VLDLR: variants seen among roughly 807,000 people sequenced by gnomAD.
The protein encoded by VLDLR is very low density lipoprotein receptor.
Under a neutral mutation model 112.7 loss-of-function variants are expected in VLDLR, and 81 were observed. The ratio of observed to expected loss-of-function variants is 0.72; its 90% CI spans 0.60 to 0.86. The LOEUF (loss-of-function observed/expected upper bound fraction) is 0.86. VLDLR is among the 40% of genes least tolerant of loss of function. VLDLR has a pLI of 0.00. For synonymous variants in VLDLR, 436 were observed against 384.8 expected (o/e 1.13, Z -1.56); for missense variants, 1,237 against 1,099.4 (o/e 1.13, Z -1.77).
intron 18 of VLDLR, 59 bp from the exon 19 acceptor site, chr9:2,653,774 C>G: frequency 6.3e-7 from 1 of 1,596,366 alleles, no homozygotes; most frequent in Non-Finnish European, 8.6e-7. Flanking sequence ...ATTTTAAAGA[C>G]TAGAGTTGCC....
chr9:2,632,931 C>G (rs928328287), intron 1 of VLDLR, among the ~76,000 whole-genome samples: 3 of 152,014 alleles, frequency 2.0e-5, no homozygotes, highest in Non-Finnish European at 1.5e-5. Flanking sequence ...TTTATAAAGC[C>G]AGCTTGTCTT....
At chr9:2,653,225 C>G (rs1818431591) in intron 18 of VLDLR, among the ~76,000 whole-genome samples, 1 of 152,132 alleles carries the variant, frequency 6.6e-6, no homozygotes, top group Non-Finnish European at 1.5e-5. Context: ...TAGCATGAAC[C>G]AAGTAGCTCA....
At position 2,635,437 on chromosome 9, in the gene VLDLR, T is replaced by A. The variant is rs375025413; in HGVS notation, c.83-16T>A. ...AACCAATCCTTGCTTTACCGAATGTTCCCTTCTTATTCTAGGGAGAAAAGC... is the reference window on the plus strand; with the variant it reads ...AACCAATCCTTGCTTTACCGAATGTACCCTTCTTATTCTAGGGAGAAAAGC... On this transcript the variant is annotated splice_polypyrimidine_tract_variant and intron_variant, in intron 1 of 18. Transcript: ENST00000382100. 6.2e-6 allele frequency: 10 copies of A among 1,613,894 alleles called. No individual in the cohort carries two copies. The highest frequency in any genetic ancestry group is 8.5e-6 in the Non-Finnish European group (10 of 1,179,816).
At chr9:2,622,329 C>A in intron 1 of VLDLR, 58 bp downstream of exon 1, 1 of 1,387,042 alleles carries the variant, frequency 7.2e-7, no homozygotes, top group East Asian at 3.0e-5. Flanking sequence ...CACCGGGAGA[C>A]CCCGAGGCGT....
intron 15 of VLDLR, among the ~76,000 whole-genome samples, chr9:2,651,025 G>A (rs548696019): frequency 1.3e-5 from 2 of 152,232 alleles, no homozygotes; most frequent in South Asian, 4.1e-4. Context: ...TTTTATTAGC[G>A]TAATTCATGG....
chr9:2,643,792 A>G, intron 6 of VLDLR, 42 bp downstream of exon 6: 1 of 1,614,172 alleles, frequency 6.2e-7, no homozygotes. Flanking sequence ...GATTGCTCTG[A>G]CCAGACCCAC....
intron 1 of VLDLR, among the ~76,000 whole-genome samples, chr9:2,627,864 CA>C (rs544070052): frequency 0.26 from 27,047 of 104,282 alleles, 2,649 homozygotes; most frequent in African/African-American, 0.36. Context: ...GAATCCATCT[CA>C]AAAAAAAAAA....
Position 2,658,664 on chromosome 9 carries a change from G to A in VLDLR, c.*4796G>A, listed in dbSNP as rs1041725124. On this transcript the variant is annotated 3_prime_UTR_variant, in exon 19 of 19. Coordinates refer to ENST00000382100, the MANE Select transcript of VLDLR (RefSeq NM_003383.5). The stretch of plus-strand genomic sequence containing the variant: ...GGACTGTCTCACTGTGACAAGGTAA[G>A]ATTTAAGTGAGATGCACACAAAAAG... The A allele has an allele frequency of 6.6e-6, 1 of 152,196 alleles. No individual in the cohort carries two copies. The highest frequency in any genetic ancestry group is 1.5e-5 in the Non-Finnish European group (1 of 68,032). The allele number at this position is 152,196 out of a possible 1,614,324, so 9.4% of individuals were successfully genotyped here.
intron 1 of VLDLR, among the ~76,000 whole-genome samples, chr9:2,627,456 C>T (rs1817144902): frequency 6.6e-6 from 1 of 152,152 alleles, no homozygotes; most frequent in Non-Finnish European, 1.5e-5. Flanking sequence ...CCGCTGCTAA[C>T]CTTCTCAGGT....
intron 1 of VLDLR, among the ~76,000 whole-genome samples, chr9:2,625,981 T>G (rs1014563776): frequency 1.3e-5 from 2 of 152,350 alleles, no homozygotes; most frequent in Non-Finnish European, 2.9e-5. Context: ...TTTTTCAAAC[T>G]AAATCAGTGT....
rs776336404 is a variant in VLDLR at position 2,651,429 on chromosome 9, G to T, written c.2266G>T (p.Val756Leu). The part of the protein sequence containing the change: ...GRDCQSTATT[V>L]TYSETKDTNT... ...TTATAATTCAGGTACTGCAACTACT[G>T]TGACTTACAGTGAGACAAAAGATAC... The change falls in exon 16 of 19, where the codon GTG becomes TTG. Residue 756 changes from valine (V) to leucine (L), a missense_variant. By Grantham distance (32) the Val-to-Leu change is conservative. Transcript: ENST00000382100. The T allele has an allele frequency of 1.2e-6, 2 of 1,613,916 alleles. No individual in the cohort carries two copies. Among genetic ancestry groups the T allele is most frequent in the South Asian group, 2.2e-5 (2 of 91,064 alleles).
rs973479830 is a variant in VLDLR, at chr9:2,647,831, C to T, written c.1822+239C>T. 1.8e-5 allele frequency: 11 copies of T among 614,474 alleles called. No individual in the cohort carries two copies. In the East Asian group the frequency reaches 2.3e-4, roughly 13 times the overall value. The allele number at this position is 614,474 out of a possible 1,614,324, so 38.1% of individuals were successfully genotyped here. On this transcript the variant is annotated intron_variant, in intron 12 of 18. Transcript: ENST00000382100. ...TAATATGTGACACAAATTCAGTGAA[C>T]GTTGGGTCTTGGGTGCACTCATACT... is the stretch of plus-strand genomic sequence containing the variant.
chr9:2,639,982 G>A lies in VLDLR; in HGVS notation c.325+1G>A, dbSNP rs778298702. On this transcript the variant is annotated splice_donor_variant, in intron 3 of 18. Coordinates refer to ENST00000382100, the MANE Select transcript of VLDLR (RefSeq NM_003383.5). LOFTEE classifies it high-confidence loss of function. ...TCAGATGAAAGCCCAGAACAGTGCC[G>A]TGAGTGTAACTTGCTTTGGCCTTGA... 26 of 1,614,056 alleles carry A rather than the reference G, an allele frequency of 1.6e-5. No individual in the cohort carries two copies. Among genetic ancestry groups the A allele is most frequent in the South Asian group, 2.2e-5 (2 of 91,084 alleles).
rs185532255 is a variant in VLDLR, at chr9:2,644,510, A to G, written c.1067-224A>G. On this transcript the variant is annotated intron_variant, in intron 7 of 18. Coordinates refer to ENST00000382100, the MANE Select transcript of VLDLR (RefSeq NM_003383.5). ...TTAACCTCCTTAAAGATAACTGATC[A>G]TCAATAGAGAAACTTGACTAAATGC... Among the ~76,000 whole-genome samples, 5 of 152,018 alleles carry G rather than the reference A, an allele frequency of 3.3e-5. No individual in the cohort carries two copies. The East Asian group carries it at 9.7e-4, about 29-fold the overall frequency.
At position 2,643,449 on chromosome 9, in the gene VLDLR, C is replaced by A; in HGVS notation, c.738C>A (p.Cys246Ter). 6.2e-7 allele frequency: 1 copy of A among 1,614,176 alleles called. No individual in the cohort carries two copies. The highest frequency in any genetic ancestry group is 8.5e-7 in the Non-Finnish European group (1 of 1,180,022). Residue 246 changes from cysteine (C) to a stop codon, truncating the protein, a stop_gained, in exon 5 of 19, where the codon TGC becomes TGA. Coordinates refer to ENST00000382100, the MANE Select transcript of VLDLR (RefSeq NM_003383.5). LOFTEE classifies it high-confidence loss of function. ...HTKCPASEIQ[C>*]GSGECIHKKW... ...AGTGTCCAGCCAGCGAAATCCAGTG[C>A]GGCTCTGGCGAGTGCATCCATAAGA...
chr9:2,634,848 T>G (rs1338598202), intron 1 of VLDLR, among the ~76,000 whole-genome samples: 2 of 152,214 alleles, frequency 1.3e-5, no homozygotes, highest in Admixed American at 6.5e-5. Context: ...TGCTGCTCCT[T>G]CTAAATCTTC....
At position 2,622,170 on chromosome 9, in the gene VLDLR, G is replaced by GCGT. The variant is rs1554617689; in HGVS notation, c.-19_-18insGTC. The GCGT allele has an allele frequency of 2.1e-6, 3 of 1,458,624 alleles. No homozygotes were observed. The highest frequency in any genetic ancestry group is 1.5e-5 in the African/African-American group (1 of 68,276). The allele number at this position is 1,458,624 out of a possible 1,614,324, so 90.4% of individuals were successfully genotyped here. The stretch of plus-strand genomic sequence containing the variant: ...AACGGCGGCGGCGGCGGCGGCGGCG[G>GCGT]CACCATCCAGGCGGGCACCATGGGC... On this transcript the variant is annotated 5_prime_UTR_variant, in exon 1 of 19. Coordinates refer to ENST00000382100, the MANE Select transcript of VLDLR (RefSeq NM_003383.5).
intron 2 of VLDLR, among the ~76,000 whole-genome samples, chr9:2,639,244 C>A (rs575219761): frequency 2.5e-4 from 38 of 152,328 alleles, no homozygotes; most frequent in African/African-American, 8.7e-4. Flanking sequence ...AGATGACCAT[C>A]TTCTCACTGT....
chr9:2,627,310 C>G (rs572348196), intron 1 of VLDLR, among the ~76,000 whole-genome samples: 16 of 152,340 alleles, frequency 1.1e-4, no homozygotes, highest in Admixed American at 5.9e-4. Flanking sequence ...AGAAATAATT[C>G]TATGTCTGCA....
Sources: allele counts gnomAD v4.1 joint callset (sites outside exome capture counted in the v4.1 genomes callset), GRCh38; gene constraint gnomAD v4.1.1; transcripts MANE v1.5; gene names NCBI Gene and HGNC (gene_info 2026-07-23, HGNC 2026-07-21).